The following RNF213 variants were observed in gnomAD, a reference collection of about 807,000 sequenced individuals.
The protein encoded by RNF213 is E3 ubiquitin-protein ligase RNF213.
RNF213 carries 341 observed loss-of-function variants against 514.4 expected under a neutral mutation model. That is an observed-to-expected ratio of 0.66 (90% CI 0.61 to 0.73). The LOEUF (loss-of-function observed/expected upper bound fraction) is 0.73. Among genes scored for constraint, RNF213 ranks in the 30% least tolerant of loss-of-function variants. The probability of loss-of-function intolerance (pLI) is 0.00; values close to 1 mark genes in which losing one functional copy is unlikely to be tolerated. For synonymous variants in RNF213, 2,655 were observed against 2,658.2 expected (o/e 1.00, Z 0.04); for missense variants, 5,767 against 6,615.6 (o/e 0.87, Z 4.45).
At chr17:80,354,597 A>G (rs1364798393) in intron 36 of RNF213, 21 bp downstream of exon 36, 1 of 1,613,984 alleles carries the variant, frequency 6.2e-7, no homozygotes, top group Non-Finnish European at 8.5e-7. Flanking sequence ...TAAAGGAAGC[A>G]AGGAGTGGCT....
chr17:80,386,974 AAGC>A lies in RNF213; in HGVS notation c.14922+88_14922+90del, dbSNP rs2080263123. ...CCTTGGTGTGTTTCTCGAGAGAGGG[AAGC>A]AGCACCTCACCCTGCAGTCTGGTCT... is the stretch of plus-strand genomic sequence containing the variant. On this transcript the variant is annotated intron_variant, in intron 63 of 67. Coordinates refer to ENST00000582970, the MANE Select transcript of RNF213 (RefSeq NM_001256071.3). The A allele has an allele frequency of 3.3e-5, 43 of 1,315,858 alleles. No individual in the cohort carries two copies. In the South Asian group the frequency reaches 4.5e-4, roughly 14 times the overall value. The allele number at this position is 1,315,858 out of a possible 1,614,324, so 81.5% of individuals were successfully genotyped here.
chr17:80,389,805 C>T, intron 65 of RNF213, 23 bp from the exon 66 acceptor site: 1 of 1,603,064 alleles, frequency 6.2e-7, no homozygotes, highest in South Asian at 1.1e-5. Flanking sequence ...AGCCCCCACT[C>T]AGGAATTCTA....
In RNF213 at chr17:80,288,777, C is replaced by A. The variant is rs200093086; in HGVS notation, c.933+22C>A. 6.2e-7 allele frequency: 1 copy of A among 1,613,936 alleles called. No homozygotes were observed. Among genetic ancestry groups the A allele is most frequent in the East Asian group, 2.2e-5 (1 of 44,894 alleles). ...CCAGGTGCGTCTCCTTCCTGCCTGCCGGCTCCAGGAGGCCCTCTCCTGCCC... is the reference window on the plus strand; with the variant it reads ...CCAGGTGCGTCTCCTTCCTGCCTGCAGGCTCCAGGAGGCCCTCTCCTGCCC... On this transcript the variant is annotated intron_variant, in intron 5 of 67. Transcript: ENST00000582970. This position sits in a 1 kb window ranked among gnomAD's most constrained non-coding sequence, Gnocchi z 4.9.
chr17:80,377,645 G>A lies in RNF213; in HGVS notation c.13511-117G>A, dbSNP rs543620057. 1.4e-4 allele frequency: 156 copies of A among 1,090,894 alleles called. No homozygotes were observed. The African/African-American group carries it at 2.2e-3, about 15-fold the overall frequency. The allele number at this position is 1,090,894 out of a possible 1,614,324, so 67.6% of individuals were successfully genotyped here. A position where few individuals can be genotyped will look rare whatever the true frequency, so the allele number is the denominator to read the frequency against. On this transcript the variant is annotated intron_variant, in intron 53 of 67. Coordinates refer to ENST00000582970, the MANE Select transcript of RNF213 (RefSeq NM_001256071.3). This position sits in a 1 kb window ranked among gnomAD's most constrained non-coding sequence, Gnocchi z 4.1. ...TTAACAAATTAGCGTGGGATGCTCT[G>A]GACAGTCATTCTCATATTGTGGTCA...
At chr17:80,379,942 A>C in intron 55 of RNF213, 1 of 567,442 alleles carries the variant, frequency 1.8e-6, no homozygotes. Flanking sequence ...CTACCCTTTA[A>C]CAGCTGTTAA....
chr17:80,361,955 C>G, intron 39 of RNF213, 67 bp downstream of exon 39: 1 of 1,547,954 alleles, frequency 6.5e-7, no homozygotes, highest in African/African-American at 1.4e-5. Flanking sequence ...GATGCAGACA[C>G]GGAGACGTTT....
intron 3 of RNF213, 107 bp from the exon 4 acceptor site, chr17:80,287,708 G>T (rs531167509): frequency 8.5e-7 from 1 of 1,175,954 alleles, no homozygotes; most frequent in Non-Finnish European, 1.3e-6. Context: ...TACTTTGGTC[G>T]AGCCAAGCTT....
chr17:80,385,127 T>C lies in RNF213; in HGVS notation c.14411T>C (p.Val4804Ala), dbSNP rs776011536. ...LVKQFQNVQQ[V>A]EYSSIRGFLS... ...AAGCAGTTCCAGAACGTCCAGCAAG[T>C]TGAATACAGCTCCATCAGAGGCTTC... Residue 4804 changes from valine (V) to alanine (A), a missense_variant, in exon 60 of 68, where the codon GTT (valine) becomes GCT (alanine). Physicochemically the swap from Val to Ala is moderately conservative, Grantham distance 64. This residue lies in a region of RNF213 where 1,245 missense variants were observed against 1,339.0 expected (regional missense o/e 0.93). Transcript: ENST00000582970. The C allele has an allele frequency of 2.5e-6, 4 of 1,614,092 alleles. No homozygotes were observed. The African/African-American group carries it at 5.3e-5, about 22-fold the overall frequency.
chr17:80,309,105 G>C lies in RNF213; in HGVS notation c.2589G>C (p.Lys863Asn), dbSNP rs1407377122. The C allele has an allele frequency of 5.6e-6, 9 of 1,614,084 alleles. No individual in the cohort carries two copies. The highest frequency in any genetic ancestry group is 5.5e-5 in the South Asian group (5 of 91,090). The change falls in exon 14 of 68, where the codon AAG becomes AAC. Residue 863 changes from lysine (K) to asparagine (N), a missense_variant. Physicochemically the swap from Lys to Asn is moderately conservative, Grantham distance 94. Transcript: ENST00000582970. ...EAICSSTKLL[K>N]FYELPALSAE... Reference sequence around the variant, plus strand: ...TCTGCAGCAGCACAAAGCTACTTAAGTTTTACGAGCTGCCAGCCTTATCTG... The same window carrying C: ...TCTGCAGCAGCACAAAGCTACTTAACTTTTACGAGCTGCCAGCCTTATCTG...
In RNF213 at chr17:80,263,726, C is replaced by G. The variant is rs771631512; in HGVS notation, c.45C>G (p.Pro15=). 2.5e-6 allele frequency: 4 copies of G among 1,614,164 alleles called. No individual in the cohort carries two copies. Among genetic ancestry groups the G allele is most frequent in the African/African-American group, 1.3e-5 (1 of 75,054 alleles). The change falls in exon 2 of 68, where the codon CCC becomes CCG. Residue 15 remains proline (P), a synonymous_variant. Transcript: ENST00000582970. This position sits in a 1 kb window ranked among gnomAD's most constrained non-coding sequence, Gnocchi z 4.9. The part of the protein sequence containing the change: ...SCQHVSKEET[P]KFCSQCGERL... ...AGCATGTCTCCAAGGAGGAAACCCC[C>G]AAGTTCTGCAGCCAGTGCGGAGAGA...
intron 8 of RNF213, among the ~76,000 whole-genome samples, chr17:80,293,885 G>A (rs910318607): frequency 2.6e-5 from 4 of 152,016 alleles, no homozygotes; most frequent in African/African-American, 9.7e-5. Flanking sequence ...GCTTCCACAA[G>A]GAGGTGATGA....
chr17:80,374,344 C>A, intron 49 of RNF213, 114 bp from the exon 50 acceptor site: 1 of 1,403,934 alleles, frequency 7.1e-7, no homozygotes. Flanking sequence ...GGAATCCCAG[C>A]TTGGCTGCCT....
In RNF213 at chr17:80,350,400, T is replaced by C. The variant is rs375180543; in HGVS notation, c.10184+4T>C. Reference sequence around the variant, plus strand: ...CCCAGCTCATTGCCTCAGCTAAGTATGTTTTTAGTATTTTTCTCAGAAACT... The same window carrying C: ...CCCAGCTCATTGCCTCAGCTAAGTACGTTTTTAGTATTTTTCTCAGAAACT... On this transcript the variant is annotated splice_donor_region_variant and intron_variant, in intron 31 of 67. Coordinates refer to ENST00000582970, the MANE Select transcript of RNF213 (RefSeq NM_001256071.3). 1.1e-5 allele frequency: 18 copies of C among 1,583,834 alleles called. No homozygotes were observed. Among genetic ancestry groups the C allele is most frequent in the Admixed American group, 3.3e-5 (2 of 59,962 alleles).
rs1212288832 is a variant in RNF213 at position 80,343,154 on chromosome 17, G to T, written c.6012G>T (p.Arg2004Ser). 6.2e-7 allele frequency: 1 copy of T among 1,613,764 alleles called. No homozygotes were observed. Among genetic ancestry groups the T allele is most frequent in the Non-Finnish European group, 8.5e-7 (1 of 1,179,874 alleles). Reference sequence around the variant, plus strand: ...TAGGAAAGTCTCTGTACGTGAAGAGGTTGCACGACAAAATGAAGATGCAGT... The same window carrying T: ...TAGGAAAGTCTCTGTACGTGAAGAGTTTGCACGACAAAATGAAGATGCAGT... ...AGVGKSLYVK[R>S]LHDKMKMQLN... is the part of the protein sequence containing the mutation. Residue 2004 changes from arginine (R) to serine (S), a missense_variant, in exon 27 of 68, where the codon AGG becomes AGT. Arg to Ser is a moderately radical substitution (Grantham distance 110). This residue lies in a region of RNF213 where 1,377 missense variants were observed against 1,635.2 expected (regional missense o/e 0.84). Coordinates refer to ENST00000582970, the MANE Select transcript of RNF213 (RefSeq NM_001256071.3). The surrounding 1 kb of genome is among the most constrained non-coding windows in gnomAD (Gnocchi z 4.3).
intron 3 of RNF213, among the ~76,000 whole-genome samples, chr17:80,287,179 G>GT (rs34200106): frequency 0.36 from 54,848 of 151,718 alleles, 10,304 homozygotes; most frequent in African/African-American, 0.47. Flanking sequence ...GAGCAACATG[G>GT]GAGACTCTGC....
intron 3 of RNF213, among the ~76,000 whole-genome samples, chr17:80,285,732 G>A (rs186264023): frequency 1.1e-4 from 17 of 150,600 alleles, no homozygotes; most frequent in East Asian, 3.9e-4. Flanking sequence ...GTGCAGTTGC[G>A]TAATATCGGC....
intron 26 of RNF213, 153 bp downstream of exon 26, chr17:80,340,509 G>A (rs2078122355): frequency 1.4e-6 from 1 of 700,992 alleles, no homozygotes; most frequent in African/African-American, 1.8e-5. Flanking sequence ...GTCTGTGCCA[G>A]AACCAGGCAC....
At chr17:80,383,120 G>A in intron 58 of RNF213, 50 bp downstream of exon 58, 1 of 1,328,094 alleles carries the variant, frequency 7.5e-7, no homozygotes, top group Non-Finnish European at 1.1e-6. Context: ...CAGAAAGGAA[G>A]GGTCCCGGCG....
intron 18 of RNF213, among the ~76,000 whole-genome samples, chr17:80,326,248 C>T (rs1313007594): frequency 3.9e-5 from 6 of 152,188 alleles, no homozygotes; most frequent in Non-Finnish European, 7.3e-5. Context: ...CCTCAGCCTC[C>T]CAAGTGGCTG....
Sources: gnomAD v4.1 joint callset for allele counts (sites outside exome capture counted in the v4.1 genomes callset) on GRCh38, gnomAD v4.1.1 for gene constraint, gnomAD v4.1.1 regional missense constraint, Gnocchi (gnomAD v3.1) non-coding constraint, MANE v1.5 for transcripts, NCBI Gene and HGNC (gene_info 2026-07-23, HGNC 2026-07-21) for gene names.